CACNA1B: variants seen among roughly 807,000 people sequenced by gnomAD.
CACNA1B encodes the protein voltage-dependent N-type calcium channel subunit alpha-1B.
Under a neutral mutation model 247.2 loss-of-function variants are expected in CACNA1B, and 70 were observed. The observed-to-expected ratio is 0.28, with a 90% CI of 0.23 to 0.35. The LOEUF (loss-of-function observed/expected upper bound fraction) is 0.35, where lower values mean the gene tolerates loss of function less well. Ranked by LOEUF, CACNA1B falls within the 10% of genes least tolerant of loss-of-function variation. The pLI is 1.00. For synonymous variants in CACNA1B, 1,231 were observed against 1,294.4 expected, an observed-to-expected ratio of 0.95 and a Z score of 1.05; for missense variants, 2,367 against 3,197.4, an observed-to-expected ratio of 0.74 and a Z score of 6.26.
At chr9:138,067,848 C>G (rs756513533) in intron 31 of CACNA1B, among the ~76,000 whole-genome samples, 3 of 152,212 alleles carry the variant, frequency 2.0e-5, no homozygotes, top group Non-Finnish European at 4.4e-5. Flanking sequence ...GGTGCCTGCA[C>G]AGATAACCCC....
intron 21 of CACNA1B, among the ~76,000 whole-genome samples, chr9:138,046,691 C>A (rs560990151): frequency 6.6e-6 from 1 of 152,254 alleles, no homozygotes; most frequent in African/African-American, 2.4e-5. Flanking sequence ...CCCCACCCCC[C>A]GTCCCGGGAG....
intron 16 of CACNA1B, 68 bp from the exon 17 acceptor site, chr9:138,009,942 G>A: frequency 7.9e-7 from 1 of 1,265,936 alleles, no homozygotes; most frequent in Non-Finnish European, 1.2e-6. Flanking sequence ...CTGGGGAGAT[G>A]GGGGAAGCTG....
Position 138,078,073 on chromosome 9 carries a change from A to G in CACNA1B, c.4950-41A>G, listed in dbSNP as rs759146885. 5 of 1,602,258 alleles carry G rather than the reference A, an allele frequency of 3.1e-6. No individual in the cohort carries two copies. In the Admixed American group the frequency reaches 8.4e-5, roughly 27 times the overall value. Reference sequence around the variant, plus strand: ...AGCCCCACAGGGCTCGGGCTCCCTCAAGGGCCTCTGTGGGCCTCACAACTC... The same window carrying G: ...AGCCCCACAGGGCTCGGGCTCCCTCGAGGGCCTCTGTGGGCCTCACAACTC... On this transcript the variant is annotated intron_variant, in intron 35 of 46. Transcript: ENST00000371372.
intron 6 of CACNA1B, among the ~76,000 whole-genome samples, chr9:137,948,001 G>C (rs1310315865): frequency 1.1e-5 from 1 of 89,920 alleles, no homozygotes; most frequent in Non-Finnish European, 2.0e-5. Context: ...TTTTTTTTGA[G>C]ATGGAGTTTC....
chr9:138,029,937 T>A (rs7041247), intron 20 of CACNA1B, among the ~76,000 whole-genome samples: 29,266 of 152,052 alleles, frequency 0.19, 7,541 homozygotes, highest in African/African-American at 0.59. Context: ...ATTTCAAAAT[T>A]AACTATGTAA....
At chr9:138,091,967 C>G (rs919362195) in intron 36 of CACNA1B, among the ~76,000 whole-genome samples, 1 of 152,124 alleles carries the variant, frequency 6.6e-6, no homozygotes, top group Admixed American at 6.5e-5. Context: ...CCTTGAACTG[C>G]AAAACCAGCA....
In CACNA1B at chr9:138,059,014, T is replaced by C; in HGVS notation, c.4474-65T>C. 1 of 953,460 alleles carries C rather than the reference T, an allele frequency of 1.0e-6. No homozygotes were observed. Among genetic ancestry groups the C allele is most frequent in the South Asian group, 1.4e-5 (1 of 72,910 alleles). 59.1% of individuals were successfully genotyped at this position (953,460 alleles called of 1,614,324 possible). On this transcript the variant is annotated intron_variant, in intron 29 of 46. Coordinates refer to ENST00000371372, the MANE Select transcript of CACNA1B (RefSeq NM_000718.4). The surrounding 1 kb of genome is among the most constrained non-coding windows in gnomAD (Gnocchi z 4.2). The stretch of plus-strand genomic sequence containing the variant: ...GTCTGCCCGCTTTGCTTGGTCATAG[T>C]GGTCCCAGATGGGGTGTCTTGGGGC...
intron 8 of CACNA1B, among the ~76,000 whole-genome samples, chr9:137,956,419 AG>A (rs1957947923): frequency 2.0e-5 from 3 of 152,322 alleles, no homozygotes; most frequent in Admixed American, 6.5e-5. Context: ...GCACTTTGGG[AG>A]GCCGAGGTGG....
chr9:138,024,827 TTTCGCCATA>T, intron 19 of CACNA1B, 119 bp from the exon 20 acceptor site: 2 of 658,424 alleles, frequency 3.0e-6, no homozygotes. Flanking sequence ...AGAGATGGGG[TTTCGCCATA>T]TTCCCCAGGC....
chr9:137,995,160 A>T (rs1467513890), intron 15 of CACNA1B, among the ~76,000 whole-genome samples: 2 of 150,942 alleles, frequency 1.3e-5, no homozygotes, highest in Non-Finnish European at 1.5e-5. Flanking sequence ...GTGAACCAAG[A>T]TCGCGCCATC....
rs1382033062 is a variant in CACNA1B at position 137,952,412 on chromosome 9, T to C, written c.1070+35T>C. 1 of 1,551,584 alleles carries C rather than the reference T, an allele frequency of 6.4e-7. No homozygotes were observed. The highest frequency in any genetic ancestry group is 1.7e-5 in the Admixed American group (1 of 59,908). On this transcript the variant is annotated intron_variant, in intron 7 of 46. Transcript: ENST00000371372. The surrounding 1 kb of genome is among the most constrained non-coding windows in gnomAD (Gnocchi z 4.8). ...CATGTGGGGGATGTGCAGGTGCCCC[T>C]CTGTGTTCTCAGCTGAGGGGTCAAC... is the stretch of plus-strand genomic sequence containing the variant.
At chr9:138,017,871 C>T (rs1341281488) in intron 18 of CACNA1B, among the ~76,000 whole-genome samples, 1 of 152,260 alleles carries the variant, frequency 6.6e-6, no homozygotes, top group Non-Finnish European at 1.5e-5. Flanking sequence ...AGGCCAGGCC[C>T]TGCAGGTGAG....
chr9:137,985,120 A>G (rs1190964412), intron 13 of CACNA1B, among the ~76,000 whole-genome samples: 1 of 152,264 alleles, frequency 6.6e-6, no homozygotes, highest in Non-Finnish European at 1.5e-5. Context: ...GTGCCAGGTC[A>G]TAGGTCACAC....
At chr9:138,119,935 A>G (rs1274430460) in intron 44 of CACNA1B, among the ~76,000 whole-genome samples, 1 of 151,792 alleles carries the variant, frequency 6.6e-6, no homozygotes, top group Non-Finnish European at 1.5e-5. Flanking sequence ...CAAGCCAGCC[A>G]CCTCTCTCTT....
chr9:137,925,959 T>A (rs1358095145), intron 6 of CACNA1B, among the ~76,000 whole-genome samples: 1 of 151,382 alleles, frequency 6.6e-6, no homozygotes, highest in East Asian at 1.9e-4. Flanking sequence ...TTTCGCCATG[T>A]TGGCCAGGAT....
chr9:137,928,309 G>A (rs1957574306), intron 6 of CACNA1B, among the ~76,000 whole-genome samples: 1 of 152,254 alleles, frequency 6.6e-6, no homozygotes, highest in African/African-American at 2.4e-5. Flanking sequence ...TGTTGGCCTG[G>A]ATGGTCTCGA....
At chr9:137,949,089 GGT>G (rs1957837758) in intron 6 of CACNA1B, among the ~76,000 whole-genome samples, 7 of 46,948 alleles carry the variant, frequency 1.5e-4, no homozygotes, top group South Asian at 1.4e-3. Context: ...GTGTGTGTGT[GGT>G]GTGTGCATGT....
intron 39 of CACNA1B, among the ~76,000 whole-genome samples, chr9:138,108,847 C>T (rs1210042883): frequency 6.6e-6 from 1 of 152,204 alleles, no homozygotes; most frequent in Non-Finnish European, 1.5e-5. Context: ...GACAGGGTTT[C>T]ACCGTGTTAG....
rs1547504 is a variant in CACNA1B at position 138,047,605 on chromosome 9, A to G, written c.3603+147A>G. The G allele has an allele frequency of 0.19, 117,970 of 635,472 alleles. 13,163 individuals carry two copies. The highest frequency in any genetic ancestry group is 0.45 in the East Asian group (16,408 of 36,480). 39.4% of individuals were successfully genotyped at this position (635,472 alleles called of 1,614,324 possible). A position where few individuals can be genotyped will look rare whatever the true frequency, so the allele number is the denominator to read the frequency against. Reference sequence around the variant, plus strand: ...TGTGCGTACTGGGTGTGTGCTCAGCACATGAACATGTGCACACAAAGAGGC... The same window carrying G: ...TGTGCGTACTGGGTGTGTGCTCAGCGCATGAACATGTGCACACAAAGAGGC... On this transcript the variant is annotated intron_variant, in intron 23 of 46. Coordinates refer to ENST00000371372, the MANE Select transcript of CACNA1B (RefSeq NM_000718.4).
Sources: allele counts gnomAD v4.1 joint callset (sites outside exome capture counted in the v4.1 genomes callset), GRCh38; gene constraint gnomAD v4.1.1; non-coding constraint Gnocchi (gnomAD v3.1); transcripts MANE v1.5; gene names NCBI Gene and HGNC (gene_info 2026-07-23, HGNC 2026-07-21).